The following EYA1 variants were observed in gnomAD, a reference collection of about 807,000 sequenced individuals.
The protein encoded by EYA1 is EYA transcriptional coactivator and phosphatase 1.
A neutral mutation model predicts 82.0 loss-of-function variants in EYA1; 16 were observed. That is an observed-to-expected ratio of 0.20 (90% CI 0.13 to 0.30). EYA1 has a LOEUF of 0.30. Ranked by LOEUF, EYA1 falls within the 10% of genes least tolerant of loss-of-function variation. EYA1 has a pLI of 1.00. For synonymous variants in EYA1, 261 were observed against 264.4 expected, an observed-to-expected ratio of 0.99 and a Z score of 0.12; for missense variants, 633 against 730.7, an observed-to-expected ratio of 0.87 and a Z score of 1.54.
intron 7 of EYA1, 46 bp from the exon 8 acceptor site, chr8:71,299,766 T>G (rs200479082): frequency 1.0e-6 from 1 of 999,502 alleles, no homozygotes; most frequent in African/African-American, 1.6e-5. Flanking sequence ...GCTTGTGGAA[T>G]AATGTGGGTA....
chr8:71,436,700 A>G (rs1806039545), intron 2 of EYA1, among the ~76,000 whole-genome samples: 1 of 152,176 alleles, frequency 6.6e-6, no homozygotes, highest in African/African-American at 2.4e-5. Context: ...AAATCGGATT[A>G]GTCAGAACTG....
At chr8:71,436,359 C>T (rs1806013074) in intron 2 of EYA1, among the ~76,000 whole-genome samples, 1 of 152,112 alleles carries the variant, frequency 6.6e-6, no homozygotes, top group South Asian at 2.1e-4. Context: ...TCATTATTTA[C>T]TTGTCTGATG....
chr8:71,274,594 T>A (rs1056528504), intron 9 of EYA1, among the ~76,000 whole-genome samples: 1 of 152,088 alleles, frequency 6.6e-6, no homozygotes, highest in African/African-American at 2.4e-5. Context: ...TGAAATATAA[T>A]GATGTAGCAA....
intron 17 of EYA1, among the ~76,000 whole-genome samples, chr8:71,205,372 ATTT>A (rs1299868040): frequency 6.6e-6 from 1 of 151,894 alleles, no homozygotes; most frequent in Admixed American, 6.6e-5. Context: ...AGGTCTAATC[ATTT>A]TCTCTCAAGC....
At chr8:71,330,671 G>A (rs757677714) in intron 4 of EYA1, among the ~76,000 whole-genome samples, 2 of 152,180 alleles carry the variant, frequency 1.3e-5, no homozygotes, top group South Asian at 4.1e-4. Context: ...CAGGGACAAG[G>A]ATAAAGTTCA....
At chr8:71,288,666 A>C (rs555414770) in intron 9 of EYA1, among the ~76,000 whole-genome samples, 2 of 152,340 alleles carry the variant, frequency 1.3e-5, no homozygotes, top group African/African-American at 4.8e-5. Context: ...AATATGTTTA[A>C]ATCAATTGTT....
At chr8:71,255,634 T>C (rs1024786667) in intron 11 of EYA1, among the ~76,000 whole-genome samples, 3 of 152,000 alleles carry the variant, frequency 2.0e-5, no homozygotes, top group Non-Finnish European at 4.4e-5. Flanking sequence ...ACCTAAAATA[T>C]AAAATGGTAT....
chr8:71,528,623 G>A (rs1289301403), intron 2 of EYA1, among the ~76,000 whole-genome samples: 1 of 152,058 alleles, frequency 6.6e-6, no homozygotes, highest in East Asian at 1.9e-4. Context: ...CCCTGTGAAT[G>A]TCTGTCCATT....
intron 2 of EYA1, among the ~76,000 whole-genome samples, chr8:71,429,717 C>A (rs1805490352): frequency 6.6e-6 from 1 of 152,104 alleles, no homozygotes; most frequent in Non-Finnish European, 1.5e-5. Flanking sequence ...CATTCTATTT[C>A]ATATAAAAGG....
At chr8:71,206,191 A>AAGAT (rs1412228374) in intron 17 of EYA1, among the ~76,000 whole-genome samples, 1 of 152,008 alleles carries the variant, frequency 6.6e-6, no homozygotes, top group Non-Finnish European at 1.5e-5. Flanking sequence ...AGTCATATTT[A>AAGAT]AGATATATAA....
chr8:71,378,208 C>T (rs915486343), intron 2 of EYA1, among the ~76,000 whole-genome samples: 4 of 152,048 alleles, frequency 2.6e-5, no homozygotes, highest in Non-Finnish European at 5.9e-5. Flanking sequence ...CACCCCCAGT[C>T]TTCCTGCCAT....
At chr8:71,238,971 C>A (rs1812163981) in intron 12 of EYA1, among the ~76,000 whole-genome samples, 1 of 151,842 alleles carries the variant, frequency 6.6e-6, no homozygotes, top group Non-Finnish European at 1.5e-5. Flanking sequence ...AATATATTAT[C>A]TTTTACTGTG....
chr8:71,459,768 A>G lies in EYA1; in HGVS notation c.33+75976T>C, dbSNP rs556026717. 2.6e-5 allele frequency among the ~76,000 whole-genome samples: 4 copies of G among 152,198 alleles called. No individual in the cohort carries two copies. In the East Asian group the frequency reaches 7.7e-4, roughly 29 times the overall value. Reference sequence around the variant, plus strand: ...CAACACTGCTCTTAATATATTATATATTCCTGGACTCAAATCCTCATTTCT... The same window carrying G: ...CAACACTGCTCTTAATATATTATATGTTCCTGGACTCAAATCCTCATTTCT... On this transcript the variant is annotated intron_variant, in intron 2 of 18. Transcript: ENST00000643681.
At chr8:71,229,475 G>C (rs73286348) in intron 12 of EYA1, among the ~76,000 whole-genome samples, 1 of 152,044 alleles carries the variant, frequency 6.6e-6, no homozygotes, top group African/African-American at 2.4e-5. Context: ...CATCTTTCAC[G>C]TGTCTTTTTT....
intron 1 of EYA1, among the ~76,000 whole-genome samples, chr8:71,540,197 C>T (rs140177105): frequency 7.2e-4 from 110 of 152,256 alleles, no homozygotes; most frequent in African/African-American, 2.3e-3. Flanking sequence ...ATCTTTCTTC[C>T]CAATTCTACA....
Position 71,452,142 on chromosome 8 carries a change from G to T in EYA1, c.33+83602C>A, listed in dbSNP as rs1183380582. On this transcript the variant is annotated intron_variant, in intron 2 of 18. Transcript: ENST00000643681. The stretch of plus-strand genomic sequence containing the variant: ...ATTATATCCCACGCATGGCTTGGAG[G>T]GTCCCACACCCACAGAGCCTCACTC... Among the ~76,000 whole-genome samples, 3 of 152,212 alleles carry T rather than the reference G, an allele frequency of 2.0e-5. No homozygotes were observed. The South Asian group carries it at 6.2e-4, about 32-fold the overall frequency.
chr8:71,539,898 C>A (rs112449048), intron 1 of EYA1, among the ~76,000 whole-genome samples: 4 of 152,106 alleles, frequency 2.6e-5, no homozygotes, highest in Admixed American at 2.6e-4. Context: ...CTGCAGAAAA[C>A]ATTAAATTGA....
chr8:71,375,469 C>T (rs985230045), intron 2 of EYA1, among the ~76,000 whole-genome samples: 6 of 152,006 alleles, frequency 3.9e-5, no homozygotes, highest in Non-Finnish European at 7.4e-5. Context: ...AACAAATCCT[C>T]AAGGAAACAA....
At chr8:71,378,093 T>C (rs80243543) in intron 2 of EYA1, among the ~76,000 whole-genome samples, 1 of 152,062 alleles carries the variant, frequency 6.6e-6, no homozygotes, top group Admixed American at 6.6e-5. Context: ...GAGATGCAAG[T>C]GGTAACCAAA....
Sources: allele counts gnomAD v4.1 joint callset (sites outside exome capture counted in the v4.1 genomes callset), GRCh38; gene constraint gnomAD v4.1.1; transcripts MANE v1.5; gene names NCBI Gene and HGNC (gene_info 2026-07-23, HGNC 2026-07-21).